USP35: variants seen among roughly 807,000 people sequenced by gnomAD.
USP35 encodes the protein ubiquitin carboxyl-terminal hydrolase 35.
A neutral mutation model predicts 83.8 loss-of-function variants in USP35; 69 were observed. The ratio of observed to expected loss-of-function variants is 0.82; its 90% CI spans 0.68 to 1.01. The LOEUF (loss-of-function observed/expected upper bound fraction) is 1.01. USP35 is among the 50% of genes least tolerant of loss of function. The probability of loss-of-function intolerance (pLI) is 0.00; values close to 1 mark genes in which losing one functional copy is unlikely to be tolerated. For missense variants in USP35, 1,503 were observed against 1,362.5 expected (o/e 1.10, Z -1.62); for synonymous variants, 714 against 589.5 (o/e 1.21, Z -3.06).
chr11:78,226,782 G>A, the USP35 span: 284 of 1,614,124 alleles, frequency 1.8e-4, no homozygotes, highest in East Asian at 4.0e-3. Context: ...GTTGCTGGGC[G>A]TCTTGAAGGT....
At position 78,215,019 on chromosome 11, in the gene USP35, G is replaced by T. The variant is rs536979314; in HGVS notation, c.*1206G>T. 6.6e-6 allele frequency among the ~76,000 whole-genome samples: 1 copy of T among 152,130 alleles called. No homozygotes were observed. The highest frequency in any genetic ancestry group is 1.5e-5 in the Non-Finnish European group (1 of 68,012). ...TGGTGGTGTGGAGTTTGGGCCCAAT[G>T]TCACAGACCCTCAAGATGTCACATC... On this transcript the variant is annotated 3_prime_UTR_variant, in exon 11 of 11. Coordinates refer to ENST00000529308, the MANE Select transcript of USP35 (RefSeq NM_020798.4).
chr11:78,224,269 T>C, the USP35 span, among the ~76,000 whole-genome samples: 1 of 152,196 alleles, frequency 6.6e-6, no homozygotes, highest in African/African-American at 2.4e-5. Flanking sequence ...GTGGGTGGCA[T>C]AGTCCATAGA....
downstream of USP35, chr11:78,219,337 T>C (rs1157843045): frequency 1.2e-6 from 2 of 1,613,618 alleles, no homozygotes; most frequent in Non-Finnish European, 1.7e-6. Flanking sequence ...TGCATGGTGT[T>C]CTGCAGGGCC....
the USP35 span, among the ~76,000 whole-genome samples, chr11:78,226,228 G>A: frequency 3.3e-5 from 5 of 152,182 alleles, no homozygotes; most frequent in African/African-American, 1.2e-4. Flanking sequence ...TTCTCCATTA[G>A]TAGAACATTA....
chr11:78,233,638 ACT>A, the USP35 span, among the ~76,000 whole-genome samples: 1 of 151,782 alleles, frequency 6.6e-6, no homozygotes, highest in Non-Finnish European at 1.5e-5. Context: ...AGTCTTGCTC[ACT>A]CTGTCGCCCA....
Position 78,196,612 on chromosome 11 carries a change from C to G in USP35, c.367C>G (p.Leu123Val). 1 of 1,286,016 alleles carries G rather than the reference C, an allele frequency of 7.8e-7. No individual in the cohort carries two copies. The highest frequency in any genetic ancestry group is 9.8e-7 in the Non-Finnish European group (1 of 1,018,934). 79.7% of individuals were successfully genotyped at this position (1,286,016 alleles called of 1,614,324 possible). The change falls in exon 2 of 11, where the codon CTG becomes GTG. Residue 123 changes from leucine to valine, a missense_variant. By Grantham distance (32) the Leu-to-Val change is conservative. Transcript: ENST00000529308. This position sits in a 1 kb window ranked among gnomAD's most constrained non-coding sequence, Gnocchi z 4.8. Reference protein sequence around the residue: ...EGPAADEVFALLRREVLRTVC... With the variant: ...EGPAADEVFAVLRREVLRTVC... The stretch of plus-strand genomic sequence containing the variant: ...GCCTGCGGCCGACGAGGTGTTCGCG[C>G]TGCTGCGGCGCGAGGTGCTGCGCAC...
rs939947968 is a variant in USP35, at chr11:78,214,919, C to T, written c.*1106C>T. On this transcript the variant is annotated 3_prime_UTR_variant, in exon 11 of 11. Coordinates refer to ENST00000529308, the MANE Select transcript of USP35 (RefSeq NM_020798.4). Reference sequence around the variant, plus strand: ...CTTACTGAGGGCTGGGTGATGCTGCCCGTGGAGAGGATGCACCTGGGAGGC... The same window carrying T: ...CTTACTGAGGGCTGGGTGATGCTGCTCGTGGAGAGGATGCACCTGGGAGGC... Among the ~76,000 whole-genome samples, 1 of 152,072 alleles carries T rather than the reference C, an allele frequency of 6.6e-6. No individual in the cohort carries two copies. The highest frequency in any genetic ancestry group is 2.4e-5 in the African/African-American group (1 of 41,392).
At chr11:78,206,062 C>T (rs1346215630) in intron 7 of USP35, 27 bp downstream of exon 7, 5 of 1,596,288 alleles carry the variant, frequency 3.1e-6, no homozygotes, top group South Asian at 2.2e-5. Context: ...AATTCCCTGT[C>T]TGCCCTTGCT....
chr11:78,207,062 G>A (rs1333390891), intron 7 of USP35, among the ~76,000 whole-genome samples: 1 of 152,218 alleles, frequency 6.6e-6, no homozygotes, highest in African/African-American at 2.4e-5. Flanking sequence ...TGTAGGAGTC[G>A]ATTGGAGGGC....
At chr11:78,220,505 A>G in the USP35 span, 12 of 1,456,226 alleles carry the variant, frequency 8.2e-6, no homozygotes, top group Non-Finnish European at 1.1e-5. Context: ...CACCACCCAG[A>G]AAAACACCTC....
rs866547145 is a variant in USP35, at chr11:78,200,140, C to G, written c.944C>G (p.Ser315Cys). The G allele has an allele frequency of 1.8e-5, 29 of 1,614,212 alleles. 3 individuals are homozygous for G. In the Middle Eastern group the frequency reaches 4.8e-3, roughly 266 times the overall value. ...CCAGGGACTCTCTTGTAGGTTTTCT[C>G]TAAGCTGCTGTACCCCATCGTCCGG... ...VSLTKIEKVF[S>C]KLLYPIVRGA... The change falls in exon 5 of 11, where the codon TCT becomes TGT. Residue 315 changes from serine to cysteine, a missense_variant. By Grantham distance (112) the Ser-to-Cys change is moderately radical (BLOSUM62 -1). Coordinates refer to ENST00000529308, the MANE Select transcript of USP35 (RefSeq NM_020798.4).
rs1418423914 is a variant in USP35, at chr11:78,214,423, G to A, written c.*610G>A. The stretch of plus-strand genomic sequence containing the variant: ...TAGCTTCTCACAGCAGGAGGCCTTT[G>A]CCCCCACAGCCCCTCCACGCCTGCC... On this transcript the variant is annotated 3_prime_UTR_variant, in exon 11 of 11. Coordinates refer to ENST00000529308, the MANE Select transcript of USP35 (RefSeq NM_020798.4). 1 of 136,152 alleles carries A rather than the reference G, an allele frequency of 7.3e-6. No homozygotes were observed. The highest frequency in any genetic ancestry group is 2.0e-4 in the East Asian group (1 of 4,972). 8.4% of individuals were successfully genotyped at this position (136,152 alleles called of 1,614,324 possible).
In USP35 at chr11:78,196,457, A is replaced by G; in HGVS notation, c.212A>G (p.His71Arg). The G allele has an allele frequency of 7.9e-7, 1 of 1,259,112 alleles. No homozygotes were observed. The highest frequency in any genetic ancestry group is 1.0e-6 in the Non-Finnish European group (1 of 1,002,126). The allele number at this position is 1,259,112 out of a possible 1,614,324, so 78.0% of individuals were successfully genotyped here. The part of the protein sequence containing the change: ...GCQLLHVAGR[H>R]HPDVFAEFFS... The stretch of plus-strand genomic sequence containing the variant: ...CAGCTGCTGCACGTGGCCGGCCGCC[A>G]CCACCCCGACGTCTTCGCCGAGTTC... The change falls in exon 2 of 11, where the codon CAC (histidine) becomes CGC (arginine). Residue 71 changes from histidine to arginine, a missense_variant. Coordinates refer to ENST00000529308, the MANE Select transcript of USP35 (RefSeq NM_020798.4). The surrounding 1 kb of genome is among the most constrained non-coding windows in gnomAD (Gnocchi z 4.8).
In USP35 at chr11:78,213,651, G is replaced by GGAGAA. The variant is rs771876461; in HGVS notation, c.2897_2901dup (p.Glu968ArgfsTer61). 14 of 1,489,972 alleles carry GGAGAA rather than the reference G, an allele frequency of 9.4e-6. No individual in the cohort carries two copies. Among genetic ancestry groups the GGAGAA allele is most frequent in the African/African-American group, 2.9e-5 (2 of 67,866 alleles). 92.3% of individuals were successfully genotyped at this position (1,489,972 alleles called of 1,614,324 possible). On this transcript the variant is annotated frameshift_variant, in exon 11 of 11. Coordinates refer to ENST00000529308, the MANE Select transcript of USP35 (RefSeq NM_020798.4). LOFTEE classifies it high-confidence loss of function. ...CCTCTCATCTGTGTTCCCAGGAGCA[G>GGAGAA]GAGAAGGAGGCCCGGAGCAGGGCGG...
At chr11:78,195,283 G>A (rs1863111077) in intron 1 of USP35, among the ~76,000 whole-genome samples, 1 of 152,172 alleles carries the variant, frequency 6.6e-6, no homozygotes, top group South Asian at 2.1e-4. Flanking sequence ...GAGGACGGGT[G>A]CTTTAGATAG....
chr11:78,198,077 C>A lies in USP35; in HGVS notation c.806+9C>A. ...CTGACTGCCATTAGCAGGTGGGACGCTGAGGCTGAGCCATGATCAGGGCTG... is the reference window on the plus strand; with the variant it reads ...CTGACTGCCATTAGCAGGTGGGACGATGAGGCTGAGCCATGATCAGGGCTG... On this transcript the variant is annotated intron_variant, in intron 3 of 10. Coordinates refer to ENST00000529308, the MANE Select transcript of USP35 (RefSeq NM_020798.4). 6.2e-7 allele frequency: 1 copy of A among 1,614,064 alleles called. No individual in the cohort carries two copies. The highest frequency in any genetic ancestry group is 8.5e-7 in the Non-Finnish European group (1 of 1,179,974).
chr11:78,226,727 A>C, the USP35 span: 1 of 1,614,052 alleles, frequency 6.2e-7, no homozygotes, highest in Non-Finnish European at 8.5e-7. Context: ...TGGCCGGAAC[A>C]TCCATATTGT....
chr11:78,232,094 T>C, the USP35 span, among the ~76,000 whole-genome samples: 1 of 152,234 alleles, frequency 6.6e-6, no homozygotes, highest in East Asian at 1.9e-4. Context: ...CAAAGCTGTA[T>C]ATGTGAAACT....
At chr11:78,206,710 C>T (rs540853117) in intron 7 of USP35, among the ~76,000 whole-genome samples, 62 of 152,286 alleles carry the variant, frequency 4.1e-4, no homozygotes, top group Non-Finnish European at 7.9e-4. Flanking sequence ...ACTAGAAAAA[C>T]GGTCACGTGC....
Sources: gnomAD v4.1 joint callset for allele counts (sites outside exome capture counted in the v4.1 genomes callset) on GRCh38, gnomAD v4.1.1 for gene constraint, Gnocchi (gnomAD v3.1) non-coding constraint, MANE v1.5 for transcripts, NCBI Gene and HGNC (gene_info 2026-07-23, HGNC 2026-07-21) for gene names.